RANBP2: variants seen among roughly 807,000 people sequenced by gnomAD.
RANBP2 encodes the protein E3 SUMO-protein ligase RanBP2.
RANBP2 carries 57 observed loss-of-function variants against 303.6 expected under a neutral mutation model. The observed-to-expected ratio is 0.19, with a 90% CI of 0.15 to 0.23. RANBP2 has a LOEUF of 0.23. Ranked by LOEUF, RANBP2 falls within the 10% of genes least tolerant of loss-of-function variation. RANBP2 has a pLI of 1.00. For missense variants in RANBP2, 3,138 were observed against 3,780.8 expected, an observed-to-expected ratio of 0.83 and a Z score of 4.46; for synonymous variants, 1,167 against 1,301.5, an observed-to-expected ratio of 0.90 and a Z score of 2.23.
chr2:109,484,520 A>AT, the RANBP2 span, among the ~76,000 whole-genome samples: 2 of 151,834 alleles, frequency 1.3e-5, no homozygotes, highest in African/African-American at 4.8e-5. Flanking sequence ...CATTATCCCT[A>AT]TATCAGCCCA....
chr2:109,182,726 A>G, the RANBP2 span, among the ~76,000 whole-genome samples: 4 of 152,224 alleles, frequency 2.6e-5, no homozygotes, highest in African/African-American at 4.8e-5. Flanking sequence ...AGTGGTCTAC[A>G]TATAAAGTAA....
chr2:109,106,508 C>G, the RANBP2 span, among the ~76,000 whole-genome samples: 1 of 152,116 alleles, frequency 6.6e-6, no homozygotes, highest in Non-Finnish European at 1.5e-5. Flanking sequence ...TCTCATGTGT[C>G]AACACAACCT....
chr2:108,752,107 A>C, intron 12 of RANBP2, 113 bp downstream of exon 12: 5 of 1,570,680 alleles, frequency 3.2e-6, no homozygotes, highest in Non-Finnish European at 4.3e-6. Flanking sequence ...TCACATTATG[A>C]CAGATGTGTT....
the RANBP2 span, among the ~76,000 whole-genome samples, chr2:108,807,218 T>A: frequency 6.6e-6 from 1 of 152,200 alleles, no homozygotes; most frequent in African/African-American, 2.4e-5. Context: ...ATTAATATGT[T>A]CAAGAAAGTA....
At chr2:109,653,466 G>C in the RANBP2 span, among the ~76,000 whole-genome samples, 1 of 151,496 alleles carries the variant, frequency 6.6e-6, no homozygotes, top group South Asian at 2.1e-4. Flanking sequence ...GCAGCCCCTT[G>C]TCTGCTGGCA....
chr2:109,217,130 C>A, the RANBP2 span, among the ~76,000 whole-genome samples: 1 of 152,176 alleles, frequency 6.6e-6, no homozygotes, highest in Admixed American at 6.5e-5. Context: ...AAGGCTAAAT[C>A]CTATTCCATC....
At chr2:109,534,953 G>C in the RANBP2 span, among the ~76,000 whole-genome samples, 1 of 152,122 alleles carries the variant, frequency 6.6e-6, no homozygotes, top group African/African-American at 2.4e-5. Flanking sequence ...GTGAGTGCAG[G>C]ACATCTGCAG....
At chr2:109,208,258 A>G in the RANBP2 span, among the ~76,000 whole-genome samples, 1 of 152,250 alleles carries the variant, frequency 6.6e-6, no homozygotes, top group Non-Finnish European at 1.5e-5. Context: ...ATATGGTTGC[A>G]GAATTGCAGA....
At chr2:109,767,478 T>C in the RANBP2 span, among the ~76,000 whole-genome samples, 2 of 133,218 alleles carry the variant, frequency 1.5e-5, no homozygotes, top group African/African-American at 2.8e-5. Flanking sequence ...CATTTGGCAC[T>C]GTGGGTCTCA....
intron 7 of RANBP2, among the ~76,000 whole-genome samples, chr2:108,741,762 T>C (rs1394740488): frequency 6.8e-6 from 1 of 147,664 alleles, no homozygotes; most frequent in African/African-American, 2.5e-5. Flanking sequence ...TCCACCTGCC[T>C]CGGCCTCCCA....
the RANBP2 span, among the ~76,000 whole-genome samples, chr2:109,441,111 T>G: frequency 7.5e-6 from 1 of 132,636 alleles, no homozygotes; most frequent in African/African-American, 3.0e-5. Flanking sequence ...AGAACAAAGC[T>G]TAAGAATATT....
At chr2:109,083,478 CTTTTT>C in the RANBP2 span, among the ~76,000 whole-genome samples, 1 of 152,202 alleles carries the variant, frequency 6.6e-6, no homozygotes, top group African/African-American at 2.4e-5. Flanking sequence ...AATTTCCTTT[CTTTTT>C]AAGACTGAAT....
chr2:108,754,659 A>G (rs1420806500), intron 15 of RANBP2, among the ~76,000 whole-genome samples: 1 of 152,022 alleles, frequency 6.6e-6, no homozygotes, highest in Non-Finnish European at 1.5e-5. Context: ...AGAAGATGTT[A>G]GATTGTACAA....
At chr2:108,810,464 AT>A in the RANBP2 span, among the ~76,000 whole-genome samples, 2 of 152,120 alleles carry the variant, frequency 1.3e-5, no homozygotes, top group Admixed American at 6.6e-5. Flanking sequence ...TGATTATCAC[AT>A]TTTTTTATTT....
chr2:109,382,878 T>C, the RANBP2 span, among the ~76,000 whole-genome samples: 1 of 152,206 alleles, frequency 6.6e-6, no homozygotes, highest in South Asian at 2.1e-4. Context: ...CAATCTGACC[T>C]GCAGCTTCTC....
rs1045111673 is a variant in RANBP2, at chr2:108,735,646, G to T, written c.520G>T (p.Val174Leu). 2.6e-5 allele frequency: 42 copies of T among 1,597,432 alleles called. No homozygotes were observed. Among genetic ancestry groups the T allele is most frequent in the Middle Eastern group, 2.2e-4 (1 of 4,450 alleles). ...DVHVNIRLVE[V>L]YRSTKRLKDA... The stretch of plus-strand genomic sequence containing the variant: ...CCATGTGAACATCCGGCTAGTGGAG[G>T]TGTATCGCTCAACTAAAAGATTGAA... Residue 174 changes from valine to leucine, a missense_variant, in exon 5 of 29, where the codon GTG (valine) becomes TTG (leucine). This residue lies in a region of RANBP2 where 306 missense variants were observed against 381.9 expected (regional missense o/e 0.80). Transcript: ENST00000283195.
chr2:109,620,427 C>T, the RANBP2 span, among the ~76,000 whole-genome samples: 2 of 152,038 alleles, frequency 1.3e-5, no homozygotes, highest in Non-Finnish European at 2.9e-5. Flanking sequence ...TTTTGCTGGG[C>T]GTGGTGGCTC....
the RANBP2 span, among the ~76,000 whole-genome samples, chr2:108,915,478 C>A: frequency 0.02 from 2,997 of 152,272 alleles, 84 homozygotes; most frequent in African/African-American, 0.069. Context: ...CACTGAGGGG[C>A]AAATGATGTT....
the RANBP2 span, among the ~76,000 whole-genome samples, chr2:109,291,988 C>A: frequency 6.6e-6 from 1 of 152,174 alleles, no homozygotes; most frequent in Non-Finnish European, 1.5e-5. Flanking sequence ...CTCAGCCTCT[C>A]GAGTAGCTGG....
Sources: allele counts gnomAD v4.1 joint callset (sites outside exome capture counted in the v4.1 genomes callset), GRCh38; gene constraint gnomAD v4.1.1; regional missense constraint gnomAD v4.1.1; transcripts MANE v1.5; gene names NCBI Gene and HGNC (gene_info 2026-07-23, HGNC 2026-07-21).